The following RBPJ variants were observed in gnomAD, a reference collection of about 807,000 sequenced individuals.
RBPJ encodes the protein recombining binding protein suppressor of hairless.
In RBPJ, 9 loss-of-function variants were observed where a neutral mutation model predicts 67.8. The ratio of observed to expected loss-of-function variants is 0.13; its 90% confidence interval spans 0.08 to 0.23. The LOEUF (loss-of-function observed/expected upper bound fraction) is 0.23. Among genes scored for constraint, RBPJ ranks in the 10% least tolerant of loss-of-function variants. The probability of loss-of-function intolerance (pLI) is 1.00; values close to 1 mark genes in which losing one functional copy is unlikely to be tolerated. For missense variants in RBPJ, 305 were observed against 595.6 expected, an observed-to-expected ratio of 0.51 and a Z score of 5.08; for synonymous variants, 198 against 203.3, an observed-to-expected ratio of 0.97 and a Z score of 0.22.
chr4:26,270,947 G>C (rs1720897575), intron 1 of RBPJ, among the ~76,000 whole-genome samples: 1 of 151,928 alleles, frequency 6.6e-6, no homozygotes, highest in African/African-American at 2.4e-5. Context: ...AAATAGGTGA[G>C]TACAGTACAA....
At chr4:26,400,927 G>A (rs1397155366) in intron 2 of RBPJ, among the ~76,000 whole-genome samples, 1 of 152,202 alleles carries the variant, frequency 6.6e-6, no homozygotes, top group African/African-American at 2.4e-5. Flanking sequence ...GGATAGTTGT[G>A]CACTTTACCT....
Position 26,430,018 on chromosome 4 carries a change from C to T in RBPJ, c.1009C>T (p.Pro337Ser), listed in dbSNP as rs1383878470. The change falls in exon 9 of 11, where the codon CCA (proline) becomes TCA (serine). Residue 337 changes from proline to serine, a missense_variant. Physicochemically the swap from Pro to Ser is moderately conservative, Grantham distance 74. Around this residue, in one of 7 missense-constraint regions of RBPJ, gnomAD observed 16 missense variants for 17.1 expected, o/e 0.94. Transcript: ENST00000355476. The surrounding 1 kb of genome is among the most constrained non-coding windows in gnomAD (Gnocchi z 4.1). Reference sequence around the variant, plus strand: ...TGAGGGAATGGGCCCTGTCCTTGCCCCAGTCACTCCTGTGCCTGTGGTAGA... The same window carrying T: ...TGAGGGAATGGGCCCTGTCCTTGCCTCAGTCACTCCTGTGCCTGTGGTAGA... ...FYEGMGPVLA[P>S]VTPVPVVESL... The T allele has an allele frequency of 3.1e-6, 5 of 1,613,942 alleles. No homozygotes were observed. The highest frequency in any genetic ancestry group is 4.2e-6 in the Non-Finnish European group (5 of 1,179,982).
chr4:26,352,046 T>C (rs1726864407), intron 1 of RBPJ, among the ~76,000 whole-genome samples: 1 of 152,326 alleles, frequency 6.6e-6, no homozygotes, highest in African/African-American at 2.4e-5. Context: ...TAAATTGTTT[T>C]CAATTCAGAG....
intron 1 of RBPJ, among the ~76,000 whole-genome samples, chr4:26,280,414 AAAG>A (rs1255645506): frequency 6.7e-6 from 1 of 149,906 alleles, no homozygotes; most frequent in Non-Finnish European, 1.5e-5. Flanking sequence ...AAAAAAAAAA[AAAG>A]AGAGAGAGAG....
intron 7 of RBPJ, among the ~76,000 whole-genome samples, chr4:26,425,310 G>A (rs907841651): frequency 3.9e-5 from 6 of 152,152 alleles, no homozygotes; most frequent in African/African-American, 7.2e-5. Context: ...ACTCGGCCAC[G>A]CATGGTGACT....
rs1049575904 is a variant in RBPJ, at chr4:26,210,662, TTTTCTTTC to T, written c.-167+47065_-167+47072del. On this transcript the variant is annotated intron_variant, in intron 1 of 4. Transcript: ENST00000512351. ...AACCCTTAAGCCAGCTTTCTTTCTT[TTTTCTTTC>T]TTTCTTTCTTTCTTTCCTTTCTTTC... is the stretch of plus-strand genomic sequence containing the variant. Among the ~76,000 whole-genome samples, 6 of 30,010 alleles carry T rather than the reference TTTTCTTTC, an allele frequency of 2.0e-4. No individual in the cohort carries two copies. The East Asian group carries it at 3.1e-3, about 16-fold the overall frequency. The allele number at this position is 30,010 out of a possible 152,430, so 19.7% of individuals were successfully genotyped here.
chr4:26,319,272 T>C (rs1290800098), upstream of RBPJ, among the ~76,000 whole-genome samples: 1 of 152,082 alleles, frequency 6.6e-6, no homozygotes, highest in South Asian at 2.1e-4. Context: ...CCTCTCACTC[T>C]CCGTACCGGC....
chr4:26,144,329 A>T, the RBPJ span, among the ~76,000 whole-genome samples: 1 of 123,658 alleles, frequency 8.1e-6, no homozygotes, highest in Non-Finnish European at 1.6e-5. Flanking sequence ...GGAGTGCAGT[A>T]GTGCAGTTTT....
At chr4:26,398,789 T>C (rs1463081521) in intron 2 of RBPJ, among the ~76,000 whole-genome samples, 1 of 152,006 alleles carries the variant, frequency 6.6e-6, no homozygotes, top group Non-Finnish European at 1.5e-5. Flanking sequence ...AATTTTTGTA[T>C]TTTTAGTAGA....
At chr4:26,368,229 A>G (rs1728815577) in intron 1 of RBPJ, 2 of 152,336 alleles carry the variant, frequency 1.3e-5, no homozygotes, top group Non-Finnish European at 2.9e-5. Context: ...ATGAAAACAT[A>G]TGGATTCAGA....
the RBPJ span, among the ~76,000 whole-genome samples, chr4:26,128,260 G>T: frequency 2.6e-5 from 4 of 152,344 alleles, no homozygotes; most frequent in Middle Eastern, 3.4e-3. Flanking sequence ...CCCAGAAGAG[G>T]TGTGGAGGTT....
intron 1 of RBPJ, among the ~76,000 whole-genome samples, chr4:26,344,150 T>C (rs1725867131): frequency 6.6e-6 from 1 of 152,230 alleles, no homozygotes; most frequent in Non-Finnish European, 1.5e-5. Context: ...CCCAAAGTGC[T>C]GGGATTACAG....
At chr4:26,280,395 CAAA>C (rs11295196) in intron 1 of RBPJ, among the ~76,000 whole-genome samples, 5,801 of 86,798 alleles carry the variant, frequency 0.067, 326 homozygotes, top group African/African-American at 0.19. Flanking sequence ...CACTTCATCT[CAAA>C]AAAAAAAAAA....
chr4:26,223,607 A>G (rs1718986608), intron 1 of RBPJ, among the ~76,000 whole-genome samples: 1 of 152,210 alleles, frequency 6.6e-6, no homozygotes, highest in African/African-American at 2.4e-5. Flanking sequence ...CTAAGAGAGG[A>G]GCCAGTGCTG....
At chr4:26,135,562 C>T in the RBPJ span, among the ~76,000 whole-genome samples, 2 of 151,932 alleles carry the variant, frequency 1.3e-5, no homozygotes, top group Middle Eastern at 3.2e-3. Context: ...GAGATATGAA[C>T]CCAAGTGGCT....
At chr4:26,346,944 A>AT (rs1726217044) in intron 1 of RBPJ, among the ~76,000 whole-genome samples, 1 of 152,052 alleles carries the variant, frequency 6.6e-6, no homozygotes, top group African/African-American at 2.4e-5. Context: ...GTGAGCCGAG[A>AT]TTGCGCCACT....
chr4:26,312,064 C>A (rs1367042869), intron 1 of RBPJ, among the ~76,000 whole-genome samples: 1 of 152,178 alleles, frequency 6.6e-6, no homozygotes, highest in African/African-American at 2.4e-5. Context: ...GGAACTCAGG[C>A]CCTTAATTGA....
upstream of RBPJ, among the ~76,000 whole-genome samples, chr4:26,317,101 A>G (rs1164820764): frequency 6.6e-6 from 1 of 151,690 alleles, no homozygotes; most frequent in Non-Finnish European, 1.5e-5. Flanking sequence ...GCCCTTATTA[A>G]TATTACATTA....
At chr4:26,244,481 G>GTGTATACATATATGTGTATATA (rs1560226742) in intron 1 of RBPJ, among the ~76,000 whole-genome samples, 1 of 142,492 alleles carries the variant, frequency 7.0e-6, no homozygotes, top group African/African-American at 2.8e-5. Context: ...ATACATATGT[G>GTGTATACATATATGTGTATATA]TGTATACATA....
Sources: gnomAD v4.1 joint callset for allele counts (sites outside exome capture counted in the v4.1 genomes callset) on GRCh38, gnomAD v4.1.1 for gene constraint, gnomAD v4.1.1 regional missense constraint, Gnocchi (gnomAD v3.1) non-coding constraint, MANE v1.5 for transcripts, NCBI Gene and HGNC (gene_info 2026-07-23, HGNC 2026-07-21) for gene names.